Variants in CTNNA1 observed in about 807,000 individuals in gnomAD.
The protein encoded by CTNNA1 is catenin alpha 1.
In CTNNA1, 37 loss-of-function variants were observed where a neutral mutation model predicts 98.4. The ratio of observed to expected loss-of-function variants is 0.38; its 90% CI spans 0.29 to 0.49. CTNNA1 has a LOEUF of 0.49. Among genes scored for constraint, CTNNA1 ranks in the 20% least tolerant of loss-of-function variants. The pLI is 0.95. For synonymous variants in CTNNA1, 404 were observed against 413.2 expected, an observed-to-expected ratio of 0.98 and a Z score of 0.27; for missense variants, 761 against 1,147.2, an observed-to-expected ratio of 0.66 and a Z score of 4.86.
intron 13 of CTNNA1, 80 bp downstream of exon 13, chr5:138,925,487 T>C (rs1763818831): frequency 6.5e-7 from 1 of 1,533,662 alleles, no homozygotes; most frequent in Admixed American, 1.9e-5. Context: ...ATTCTAGAAC[T>C]CGGCAGATGC....
intron 3 of CTNNA1, among the ~76,000 whole-genome samples, chr5:138,808,558 T>A: frequency 6.6e-6 from 1 of 151,910 alleles, no homozygotes; most frequent in East Asian, 1.9e-4. Flanking sequence ...AATTATACAG[T>A]GCTTCTAAGC....
intron 9 of CTNNA1, among the ~76,000 whole-genome samples, chr5:138,896,047 C>A (rs1295411511): frequency 6.6e-6 from 1 of 152,198 alleles, no homozygotes; most frequent in Non-Finnish European, 1.5e-5. Context: ...GGCTAACACC[C>A]ACTCAGAAGT....
chr5:138,855,356 C>T (rs1428933195), intron 7 of CTNNA1, among the ~76,000 whole-genome samples: 1 of 148,902 alleles, frequency 6.7e-6, no homozygotes, highest in African/African-American at 2.5e-5. Context: ...ATGTTTTAAA[C>T]CAAACAAGCT....
intron 7 of CTNNA1, chr5:138,875,738 G>A (rs1192234800): frequency 4.1e-6 from 4 of 985,176 alleles, no homozygotes; most frequent in South Asian, 9.4e-5. Context: ...GCCTATGCAA[G>A]GTAGTGTCGC....
chr5:138,829,519 C>T (rs1761054639), intron 7 of CTNNA1, among the ~76,000 whole-genome samples: 1 of 152,074 alleles, frequency 6.6e-6, no homozygotes, highest in African/African-American at 2.4e-5. Flanking sequence ...ATAAGATATC[C>T]CTTGAGTCTT....
intron 9 of CTNNA1, among the ~76,000 whole-genome samples, chr5:138,893,999 G>C (rs1040945256): frequency 9.9e-5 from 15 of 151,802 alleles, no homozygotes; most frequent in African/African-American, 2.9e-4. Flanking sequence ...CTCACTGCAG[G>C]CTTCGCCTCC....
chr5:138,769,782 C>T (rs1488031940), intron 1 of CTNNA1, among the ~76,000 whole-genome samples: 2 of 152,122 alleles, frequency 1.3e-5, no homozygotes, highest in East Asian at 3.8e-4. Context: ...ATCCGCCCGC[C>T]TCGGCCTCCC....
At chr5:138,879,171 T>TTAAA (rs1294788455) in intron 7 of CTNNA1, among the ~76,000 whole-genome samples, 4 of 80,326 alleles carry the variant, frequency 5.0e-5, no homozygotes, top group African/African-American at 1.5e-4. Flanking sequence ...ACTCCGTCTT[T>TTAAA]AAAAAAAAAA....
At chr5:138,761,049 C>T (rs1318470985) in intron 1 of CTNNA1, among the ~76,000 whole-genome samples, 2 of 152,150 alleles carry the variant, frequency 1.3e-5, no homozygotes, top group Non-Finnish European at 2.9e-5. Flanking sequence ...TAGGGATCTG[C>T]CTTGTCAACT....
chr5:138,829,938 G>A (rs868548337), intron 7 of CTNNA1, among the ~76,000 whole-genome samples: 9 of 151,184 alleles, frequency 6.0e-5, no homozygotes, highest in Non-Finnish European at 3.0e-5. Context: ...AGGCTGAGGC[G>A]GGCAGATCAC....
At chr5:138,791,997 T>C (rs1313789784) in intron 3 of CTNNA1, among the ~76,000 whole-genome samples, 1 of 152,114 alleles carries the variant, frequency 6.6e-6, no homozygotes, top group Admixed American at 6.6e-5. Flanking sequence ...TACCCAGTCA[T>C]ATAAAACTGA....
At chr5:138,768,556 C>CTT (rs1753182195) in intron 1 of CTNNA1, among the ~76,000 whole-genome samples, 1 of 120,590 alleles carries the variant, frequency 8.3e-6, no homozygotes, top group African/African-American at 3.5e-5. Context: ...ACAACGGTGT[C>CTT]TGTTTTTTTT....
chr5:138,913,113 TTTCA>T (rs1161916922), intron 10 of CTNNA1, among the ~76,000 whole-genome samples: 4 of 152,268 alleles, frequency 2.6e-5, no homozygotes, highest in Middle Eastern at 3.4e-3. Flanking sequence ...GTTTTTTAAC[TTTCA>T]TTCAGTTTCG....
chr5:138,932,698 C>G lies in CTNNA1; in HGVS notation c.2419C>G (p.Leu807Val), dbSNP rs1765630072. The change falls in exon 17 of 18, where the codon CTT becomes GTT. Residue 807 changes from leucine (L) to valine (V), a missense_variant. Around this residue, in one of 6 missense-constraint regions of CTNNA1, gnomAD observed 12 missense variants for 47.3 expected, o/e 0.25. Transcript: ENST00000302763. ...CGAGGTGCAGAATCTCGGCGGGGAG[C>G]TTGTTGTCTCTGGGGTAAGCATTAG... ...KAEVQNLGGE[L>V]VVSGVDSAMS... 6.2e-7 allele frequency: 1 copy of G among 1,614,016 alleles called. No homozygotes were observed. Among genetic ancestry groups the G allele is most frequent in the Non-Finnish European group, 8.5e-7 (1 of 1,180,026 alleles).
intron 7 of CTNNA1, among the ~76,000 whole-genome samples, chr5:138,865,800 TTTATTTCA>T (rs1204702197): frequency 2.0e-5 from 3 of 152,224 alleles, no homozygotes; most frequent in African/African-American, 7.2e-5. Flanking sequence ...TTTTTATATC[TTTATTTCA>T]CTATTCTGTA....
Position 138,934,261 on chromosome 5 carries a change from A to C in CTNNA1, c.*172A>C. The stretch of plus-strand genomic sequence containing the variant: ...CAAGAACATAGTTTAAGTTGATTAA[A>C]AATGCTTTTAGAATGCAGGAGCCTA... On this transcript the variant is annotated 3_prime_UTR_variant, in exon 18 of 18. Coordinates refer to ENST00000302763, the MANE Select transcript of CTNNA1 (RefSeq NM_001903.5). 1 of 575,980 alleles carries C rather than the reference A, an allele frequency of 1.7e-6. No individual in the cohort carries two copies. The highest frequency in any genetic ancestry group is 3.0e-6 in the Non-Finnish European group (1 of 330,094). The allele number at this position is 575,980 out of a possible 1,614,324, so 35.7% of individuals were successfully genotyped here. A position where few individuals can be genotyped will look rare whatever the true frequency, so the allele number is the denominator to read the frequency against.
intron 3 of CTNNA1, among the ~76,000 whole-genome samples, chr5:138,789,658 A>C (rs186752618): frequency 4.6e-4 from 70 of 152,246 alleles, no homozygotes; most frequent in African/African-American, 1.6e-3. Flanking sequence ...GGGTTTTACC[A>C]TATTGGCCAG....
At chr5:138,769,231 C>T (rs757031087) in intron 1 of CTNNA1, among the ~76,000 whole-genome samples, 5 of 152,010 alleles carry the variant, frequency 3.3e-5, no homozygotes, top group Non-Finnish European at 7.4e-5. Context: ...ACTTCTCAGA[C>T]TCTAGTCAAG....
intron 2 of CTNNA1, 159 bp downstream of exon 2, chr5:138,782,188 G>T (rs184748408): frequency 2.7e-6 from 2 of 730,302 alleles, no homozygotes; most frequent in Non-Finnish European, 4.6e-6. Context: ...CATGGGTTTA[G>T]TTAACCCTTG....
Sources: gnomAD v4.1 joint callset for allele counts (sites outside exome capture counted in the v4.1 genomes callset) on GRCh38, gnomAD v4.1.1 for gene constraint, gnomAD v4.1.1 regional missense constraint, MANE v1.5 for transcripts, NCBI Gene and HGNC (gene_info 2026-07-23, HGNC 2026-07-21) for gene names.